The following PHF21B variants were observed in gnomAD, a reference collection of about 807,000 sequenced individuals.
The protein encoded by PHF21B is PHD finger protein 21B.
In PHF21B, 22 loss-of-function variants were observed where a neutral mutation model predicts 62.2. The observed-to-expected ratio is 0.35, with a 90% CI of 0.25 to 0.51. The LOEUF (loss-of-function observed/expected upper bound fraction) is 0.51. Ranked by LOEUF, PHF21B falls within the 20% of genes least tolerant of loss-of-function variation. The pLI is 0.97. For synonymous variants in PHF21B, 341 were observed against 314.7 expected (o/e 1.08, Z -0.88); for missense variants, 701 against 707.9 (o/e 0.99, Z 0.11).
chr22:44,895,274 C>T (rs2071036584), intron 6 of PHF21B, among the ~76,000 whole-genome samples: 1 of 152,144 alleles, frequency 6.6e-6, no homozygotes. Context: ...GGGCTGGTTT[C>T]GAGGCTTCCC....
rs1601593048 is a variant in PHF21B at position 44,913,817 on chromosome 22, C to G, written c.831+5G>C. The G allele has an allele frequency of 6.2e-7, 1 of 1,611,532 alleles. No homozygotes were observed. Among genetic ancestry groups the G allele is most frequent in the African/African-American group, 1.3e-5 (1 of 74,854 alleles). ...GCCTGGGCCCTCCGGAGAGGCCTGT[C>G]CTACCTCGGGGTTCTCCTGGGTCGG... On this transcript the variant is annotated splice_donor_5th_base_variant and intron_variant, in intron 5 of 12. Coordinates refer to ENST00000313237, the MANE Select transcript of PHF21B (RefSeq NM_138415.5).
At chr22:44,948,706 AAG>A (rs1464393343) in intron 2 of PHF21B, among the ~76,000 whole-genome samples, 1 of 151,588 alleles carries the variant, frequency 6.6e-6, no homozygotes. Flanking sequence ...AAAAAAAAAA[AAG>A]AGAGACAGAG....
At chr22:44,999,877 C>T (rs182018048) in intron 2 of PHF21B, among the ~76,000 whole-genome samples, 5 of 152,148 alleles carry the variant, frequency 3.3e-5, no homozygotes, top group East Asian at 1.9e-4. Context: ...AACACCAGGA[C>T]GCGTCAGGAC....
At position 44,916,464 on chromosome 22, in the gene PHF21B, CCGG is replaced by C. The variant is rs1569226062; in HGVS notation, c.377_379del (p.Pro126_Gly127delinsArg). 1.2e-6 allele frequency: 2 copies of C among 1,603,788 alleles called. No homozygotes were observed. Among genetic ancestry groups the C allele is most frequent in the East Asian group, 2.2e-5 (1 of 44,792 alleles). On this transcript the variant is annotated inframe_deletion, in exon 4 of 13. Coordinates refer to ENST00000313237, the MANE Select transcript of PHF21B (RefSeq NM_138415.5). ...CTCGGCGAGGGCCTGGGGCTGGCTG[CCGG>C]GCGCTGGCACATGGCTGACAGTGTT...
intron 2 of PHF21B, among the ~76,000 whole-genome samples, chr22:44,961,740 C>T (rs2072424814): frequency 6.6e-6 from 1 of 151,986 alleles, no homozygotes; most frequent in Non-Finnish European, 1.5e-5. Context: ...ATTCGAGAGG[C>T]AGAGACAGGA....
At chr22:45,005,229 C>T (rs2073293833) in intron 2 of PHF21B, among the ~76,000 whole-genome samples, 1 of 152,236 alleles carries the variant, frequency 6.6e-6, no homozygotes, top group African/African-American at 2.4e-5. Context: ...CACATCATAT[C>T]TTGTTAAAGA....
intron 8 of PHF21B, 151 bp downstream of exon 8, chr22:44,891,155 C>T (rs2070956936): frequency 1.2e-6 from 1 of 812,472 alleles, no homozygotes; most frequent in Non-Finnish European, 1.9e-6. Flanking sequence ...GTGGGAGGCT[C>T]CTCTCAGCAC....
intron 4 of PHF21B, 94 bp downstream of exon 4, chr22:44,916,186 C>T (rs550434747): frequency 8.2e-7 from 1 of 1,217,912 alleles, no homozygotes; most frequent in East Asian, 2.4e-5. Context: ...TTCATCCTGC[C>T]TGGGCTTGTT....
intron 2 of PHF21B, among the ~76,000 whole-genome samples, chr22:44,978,352 GT>G (rs1380275298): frequency 6.6e-6 from 1 of 152,068 alleles, no homozygotes; most frequent in Non-Finnish European, 1.5e-5. Flanking sequence ...CTGTGATTTT[GT>G]TTTTGTTTGT....
chr22:44,938,579 T>TA (rs1458898346), intron 2 of PHF21B, among the ~76,000 whole-genome samples: 1 of 152,194 alleles, frequency 6.6e-6, no homozygotes, highest in Admixed American at 6.5e-5. Context: ...CCAACCCTCA[T>TA]AGAAAGGCAG....
intron 6 of PHF21B, among the ~76,000 whole-genome samples, chr22:44,894,604 G>A (rs989828344): frequency 1.3e-5 from 2 of 152,188 alleles, no homozygotes; most frequent in African/African-American, 2.4e-5. Flanking sequence ...GCTCACAGAG[G>A]TTCTTACAAA....
intron 2 of PHF21B, among the ~76,000 whole-genome samples, chr22:44,945,722 G>T (rs1029955909): frequency 2.8e-4 from 7 of 24,770 alleles, no homozygotes; most frequent in Admixed American, 8.3e-4. Flanking sequence ...GAATTGGGGG[G>T]GGGGTGGTAT....
intron 5 of PHF21B, 60 bp downstream of exon 5, chr22:44,913,756 ACAGCGG>A: frequency 6.5e-7 from 1 of 1,542,994 alleles, no homozygotes; most frequent in Non-Finnish European, 8.7e-7. Context: ...CCCGCTATAC[ACAGCGG>A]CCTCAGATGG....
chr22:44,906,538 A>G (rs1252418762), intron 5 of PHF21B, among the ~76,000 whole-genome samples: 2 of 152,230 alleles, frequency 1.3e-5, no homozygotes, highest in African/African-American at 2.4e-5. Context: ...AGCCAGACTC[A>G]TTCAGATGCT....
At chr22:44,943,852 C>A (rs1311736506) in intron 2 of PHF21B, among the ~76,000 whole-genome samples, 1 of 152,192 alleles carries the variant, frequency 6.6e-6, no homozygotes, top group African/African-American at 2.4e-5. Flanking sequence ...GGAAAAGCCA[C>A]CTGCAGCATT....
At chr22:44,980,587 C>T (rs889415231) in intron 2 of PHF21B, among the ~76,000 whole-genome samples, 2 of 152,132 alleles carry the variant, frequency 1.3e-5, no homozygotes, top group Admixed American at 6.5e-5. Flanking sequence ...ATGAGTGGTA[C>T]GAAGGAAGCC....
chr22:44,910,733 G>C (rs11704566), intron 5 of PHF21B, among the ~76,000 whole-genome samples: 1 of 152,160 alleles, frequency 6.6e-6, no homozygotes, highest in Non-Finnish European at 1.5e-5. Flanking sequence ...TCCTGTCTCA[G>C]GTATGTCTTT....
chr22:44,915,703 C>G (rs1601594808), intron 4 of PHF21B, among the ~76,000 whole-genome samples: 1 of 152,220 alleles, frequency 6.6e-6, no homozygotes, highest in Admixed American at 6.5e-5. Flanking sequence ...AAATGGGGAA[C>G]AGAGAGAAAG....
At chr22:44,969,436 C>T (rs2072594713) in intron 2 of PHF21B, among the ~76,000 whole-genome samples, 3 of 152,258 alleles carry the variant, frequency 2.0e-5, no homozygotes, top group Admixed American at 6.5e-5. Context: ...GAGGCCAAGG[C>T]GGGCGGATCA....
Sources: allele counts gnomAD v4.1 joint callset (sites outside exome capture counted in the v4.1 genomes callset), GRCh38; gene constraint gnomAD v4.1.1; transcripts MANE v1.5; gene names NCBI Gene and HGNC (gene_info 2026-07-23, HGNC 2026-07-21).